NF1: variants seen among roughly 807,000 people sequenced by gnomAD.
The protein encoded by NF1 is neurofibromin.
A neutral mutation model predicts 325.7 loss-of-function variants in NF1; 122 were observed. The ratio of observed to expected loss-of-function variants is 0.37; its 90% confidence interval spans 0.32 to 0.44. NF1 has a LOEUF of 0.44. Among genes scored for constraint, NF1 ranks in the 20% least tolerant of loss-of-function variants. The pLI is 1.00. For missense variants in NF1, 2,140 were observed against 3,415.4 expected, an observed-to-expected ratio of 0.63 and a Z score of 9.31; for synonymous variants, 1,091 against 1,186.0, an observed-to-expected ratio of 0.92 and a Z score of 1.65.
At chr17:31,258,926 C>A in intron 32 of NF1, 106 bp from the exon 33 acceptor site, 3 of 735,014 alleles carry the variant, frequency 4.1e-6, no homozygotes, top group Non-Finnish European at 6.8e-6. Context: ...TAAGTACTAG[C>A]AGAAATTATA....
intron 1 of NF1, among the ~76,000 whole-genome samples, chr17:31,101,313 G>T (rs939057688): frequency 1.3e-5 from 2 of 151,864 alleles, no homozygotes; most frequent in African/African-American, 4.8e-5. Context: ...GTTCCTTAGC[G>T]GGGGTCTTAG....
chr17:31,249,196 G>C, intron 30 of NF1, 77 bp downstream of exon 30: 1 of 1,474,340 alleles, frequency 6.8e-7, no homozygotes, highest in Non-Finnish European at 9.5e-7. Flanking sequence ...GAAGGATCTA[G>C]CTGCTGATGG....
In NF1 at chr17:31,304,967, T is replaced by C. The variant is rs150356636; in HGVS notation, c.4836-20853T>C. Reference sequence around the variant, plus strand: ...ACAATGATGATTATAGCTACCAACATAGAAGTCAGAAGTACACCAATTAGT... The same window carrying C: ...ACAATGATGATTATAGCTACCAACACAGAAGTCAGAAGTACACCAATTAGT... On this transcript the variant is annotated intron_variant, in intron 36 of 57. Coordinates refer to ENST00000358273, the MANE Select transcript of NF1 (RefSeq NM_001042492.3). The C allele has an allele frequency of 4.8e-4, 771 of 1,614,008 alleles. No homozygotes were observed. The highest frequency in any genetic ancestry group is 5.9e-4 in the Non-Finnish European group (700 of 1,180,016).
intron 42 of NF1, among the ~76,000 whole-genome samples, 184 bp from the exon 43 acceptor site, chr17:31,337,184 A>G (rs1006753938): frequency 2.0e-5 from 3 of 152,218 alleles, no homozygotes; most frequent in African/African-American, 7.2e-5. Flanking sequence ...AGTTACCAGC[A>G]CTAATTTGTA....
At chr17:31,146,059 C>T (rs1916563547) in intron 1 of NF1, among the ~76,000 whole-genome samples, 1 of 152,184 alleles carries the variant, frequency 6.6e-6, no homozygotes, top group South Asian at 2.1e-4. Context: ...AAACAGTAGC[C>T]TAAAACACAC....
chr17:31,111,308 TA>T (rs1913395816), intron 1 of NF1, among the ~76,000 whole-genome samples: 1 of 151,266 alleles, frequency 6.6e-6, no homozygotes, highest in Admixed American at 6.6e-5. Flanking sequence ...GACCCAAAAG[TA>T]GAGAGATTAG....
At chr17:31,311,749 G>T (rs1291706781) in intron 36 of NF1, among the ~76,000 whole-genome samples, 2 of 152,198 alleles carry the variant, frequency 1.3e-5, no homozygotes, top group African/African-American at 4.8e-5. Flanking sequence ...ACAGCTCTAA[G>T]TAGTGGCACT....
At chr17:31,340,391 A>G (rs1333344100) in intron 46 of NF1, 114 bp from the exon 47 acceptor site, 2 of 1,358,288 alleles carry the variant, frequency 1.5e-6, no homozygotes, top group Admixed American at 1.8e-5. Context: ...TCCCCAAAAG[A>G]GAAAACATGG....
chr17:31,370,131 A>G (rs1443382105), intron 57 of NF1, among the ~76,000 whole-genome samples: 4 of 152,202 alleles, frequency 2.6e-5, no homozygotes, highest in Non-Finnish European at 5.9e-5. Context: ...TGTGATTTAT[A>G]CAGTTGGGTC....
At chr17:31,111,951 A>C (rs978463010) in intron 1 of NF1, among the ~76,000 whole-genome samples, 5 of 152,198 alleles carry the variant, frequency 3.3e-5, no homozygotes, top group Admixed American at 6.5e-5. Context: ...GGTTAAGGTA[A>C]AATTGCCATC....
chr17:31,148,480 G>A (rs1404119207), intron 1 of NF1, among the ~76,000 whole-genome samples: 1 of 150,646 alleles, frequency 6.6e-6, no homozygotes, highest in African/African-American at 2.4e-5. Flanking sequence ...GGTCGTTCAA[G>A]ATTACAACTG....
At chr17:31,128,635 T>A (rs1915087057) in intron 1 of NF1, 1 of 152,062 alleles carries the variant, frequency 6.6e-6, no homozygotes, top group Non-Finnish European at 1.5e-5. Context: ...TCTTTAAGAA[T>A]GTTGTGGCTG....
intron 8 of NF1, among the ~76,000 whole-genome samples, chr17:31,185,237 C>A (rs1332776388): frequency 6.6e-6 from 1 of 152,160 alleles, no homozygotes; most frequent in Non-Finnish European, 1.5e-5. Context: ...AAAGTCCTAG[C>A]AGGTCCCTAG....
chr17:31,343,113 A>G lies in NF1; in HGVS notation c.7167A>G (p.Ala2389=), dbSNP rs1555535447. Reference sequence around the variant, plus strand: ...ATTTCAACTCTAACTTTAACTTTGCATTGGTTGGACACCTTTTAAAAGGTA... The same window carrying G: ...ATTTCAACTCTAACTTTAACTTTGCGTTGGTTGGACACCTTTTAAAAGGTA... ...GLNFNSNFNF[A]LVGHLLKGYR... Residue 2389 remains alanine, a synonymous_variant, in exon 48 of 58, where the codon GCA becomes GCG. Coordinates refer to ENST00000358273, the MANE Select transcript of NF1 (RefSeq NM_001042492.3). The G allele has an allele frequency of 1.9e-6, 3 of 1,613,798 alleles. No homozygotes were observed. In the Admixed American group the frequency reaches 5.0e-5, roughly 27 times the overall value.
intron 36 of NF1, among the ~76,000 whole-genome samples, chr17:31,273,230 G>A (rs1436549542): frequency 6.6e-6 from 1 of 152,112 alleles, no homozygotes; most frequent in Non-Finnish European, 1.5e-5. Context: ...TCACAAATTA[G>A]GATATTACTT....
chr17:31,249,931 G>A (rs1341157518), intron 30 of NF1: 3 of 486,080 alleles, frequency 6.2e-6, no homozygotes, highest in Non-Finnish European at 1.2e-5. Flanking sequence ...CAAAACCCAT[G>A]TCTTTGTGTC....
intron 29 of NF1, among the ~76,000 whole-genome samples, chr17:31,237,077 C>T (rs1471595981): frequency 1.3e-5 from 2 of 152,030 alleles, no homozygotes; most frequent in Non-Finnish European, 2.9e-5. Context: ...TCAGTTAGGA[C>T]TTTATTTTTT....
chr17:31,184,985 G>A (rs1418177583), intron 8 of NF1, among the ~76,000 whole-genome samples: 5 of 152,176 alleles, frequency 3.3e-5, no homozygotes, highest in African/African-American at 9.7e-5. Flanking sequence ...CTCTGAGTTT[G>A]TAAACTCTGA....
At chr17:31,272,673 G>A (rs997253370) in intron 36 of NF1, 5 of 152,186 alleles carry the variant, frequency 3.3e-5, no homozygotes, top group African/African-American at 1.2e-4. Context: ...TACTGCCATA[G>A]AATTTGAGGT....
Sources: allele counts gnomAD v4.1 joint callset (sites outside exome capture counted in the v4.1 genomes callset), GRCh38; gene constraint gnomAD v4.1.1; transcripts MANE v1.5; gene names NCBI Gene and HGNC (gene_info 2026-07-23, HGNC 2026-07-21).